Variants in LANCL1 observed in about 807,000 individuals in gnomAD.
LANCL1 encodes glutathione S-transferase LANCL1.
Under a neutral mutation model 50.6 loss-of-function variants are expected in LANCL1, and 50 were observed. The ratio of observed to expected loss-of-function variants is 0.99; its 90% CI spans 0.79 to 1.25. The LOEUF (loss-of-function observed/expected upper bound fraction) is 1.25. Ranked by LOEUF, LANCL1 falls within the 50% of genes most tolerant of loss-of-function variation. The probability of loss-of-function intolerance (pLI) is 0.00; values close to 1 mark genes in which losing one functional copy is unlikely to be tolerated. For missense variants in LANCL1, 532 were observed against 480.7 expected (o/e 1.11, Z -1.00); for synonymous variants, 188 against 178.6 (o/e 1.05, Z -0.42).
chr2:210,438,388 G>A (rs776964031), intron 6 of LANCL1, among the ~76,000 whole-genome samples: 1 of 151,988 alleles, frequency 6.6e-6, no homozygotes, highest in Non-Finnish European at 1.5e-5. Context: ...GCCCACCTTG[G>A]CCTCCCAAAG....
chr2:210,447,633 A>G (rs1344336642), intron 4 of LANCL1, among the ~76,000 whole-genome samples: 1 of 152,210 alleles, frequency 6.6e-6, no homozygotes, highest in Non-Finnish European at 1.5e-5. Flanking sequence ...AGACACACAT[A>G]GGCTCAAAAT....
Position 210,434,436 on chromosome 2 carries a change from TG to T in LANCL1, c.*50del, listed in dbSNP as rs1692848428. 7.0e-7 allele frequency: 1 copy of T among 1,422,052 alleles called. No individual in the cohort carries two copies. The highest frequency in any genetic ancestry group is 1.4e-5 in the African/African-American group (1 of 70,586). 88.1% of individuals were successfully genotyped at this position (1,422,052 alleles called of 1,614,324 possible). On this transcript the variant is annotated 3_prime_UTR_variant, in exon 10 of 10. Transcript: ENST00000450366. ...GCAACGGAAGCACTTAGCTTGGGTTTGAATATACAGAAAGGGTCATGCAGTG... is the reference window on the plus strand; with the variant it reads ...GCAACGGAAGCACTTAGCTTGGGTTTAATATACAGAAAGGGTCATGCAGTG...
At chr2:210,461,745 T>C (rs1238091590) in intron 3 of LANCL1, among the ~76,000 whole-genome samples, 2 of 105,468 alleles carry the variant, frequency 1.9e-5, no homozygotes, top group African/African-American at 3.3e-5. Flanking sequence ...GAGTCCTGTA[T>C]GTATTTTTTT....
At chr2:210,461,319 G>A (rs567909691) in intron 3 of LANCL1, among the ~76,000 whole-genome samples, 1 of 152,120 alleles carries the variant, frequency 6.6e-6, no homozygotes, top group East Asian at 1.9e-4. Context: ...GGTGGGATAG[G>A]TGCATCTAAT....
In LANCL1 at chr2:210,433,961, C is replaced by T. The variant is rs952231754; in HGVS notation, c.*526G>A. The T allele has an allele frequency of 6.6e-5, 10 of 152,106 alleles. No homozygotes were observed. Among genetic ancestry groups the T allele is most frequent in the Admixed American group, 1.3e-4 (2 of 15,264 alleles). The allele number at this position is 152,106 out of a possible 1,614,324, so 9.4% of individuals were successfully genotyped here. On this transcript the variant is annotated 3_prime_UTR_variant, in exon 10 of 10. Coordinates refer to ENST00000450366, the MANE Select transcript of LANCL1 (RefSeq NM_006055.3). ...TAGGTACCAAGTCCAGATTGTAACT[C>T]TTGGAATTTTTCTCCTGGAAGCATT... is the stretch of plus-strand genomic sequence containing the variant.
intron 6 of LANCL1, among the ~76,000 whole-genome samples, chr2:210,439,069 G>T (rs912599696): frequency 3.3e-5 from 5 of 152,164 alleles, no homozygotes; most frequent in African/African-American, 1.2e-4. Flanking sequence ...TTCATACAAA[G>T]AATAGCATTT....
At chr2:210,455,054 GAATT>G in intron 4 of LANCL1, 49 bp downstream of exon 4, 1 of 1,446,004 alleles carries the variant, frequency 6.9e-7, no homozygotes, top group South Asian at 1.2e-5. Flanking sequence ...AACACATGCA[GAATT>G]AATGCATAAT....
intron 3 of LANCL1, among the ~76,000 whole-genome samples, chr2:210,465,994 A>G (rs925487311): frequency 2.0e-5 from 3 of 152,212 alleles, no homozygotes; most frequent in Non-Finnish European, 4.4e-5. Context: ...CCTTATTTAT[A>G]AAGCTGCCAA....
chr2:210,433,496 G>A lies in LANCL1; in HGVS notation c.*991C>T, dbSNP rs1007917356. 1 of 152,110 alleles carries A rather than the reference G, an allele frequency of 6.6e-6. No individual in the cohort carries two copies. The highest frequency in any genetic ancestry group is 2.4e-5 in the African/African-American group (1 of 41,418). 9.4% of individuals were successfully genotyped at this position (152,110 alleles called of 1,614,324 possible). On this transcript the variant is annotated 3_prime_UTR_variant, in exon 10 of 10. Transcript: ENST00000450366. ...AGAATACTGTACAATTTAGTGAAAAGACCAAAGTTCAGATAAATTGATAGG... is the reference window on the plus strand; with the variant it reads ...AGAATACTGTACAATTTAGTGAAAAAACCAAAGTTCAGATAAATTGATAGG...
Position 210,435,415 on chromosome 2 carries a change from T to G in LANCL1, c.1095A>C (p.Thr365=). Residue 365 remains threonine (T), a synonymous_variant, in exon 9 of 10, where the codon ACA becomes ACC. Transcript: ENST00000450366. ...CLEYGEHGCR[T]PDTPFSLFEG... is the part of the protein sequence containing the mutation. ...CAAAGAGAGAGAAAGGGGTGTCTGG[T>G]GTTCTGCATCCATGTTCTCCATACT... is the stretch of plus-strand genomic sequence containing the variant. 2 of 1,613,496 alleles carry G rather than the reference T, an allele frequency of 1.2e-6. No individual in the cohort carries two copies. Among genetic ancestry groups the G allele is most frequent in the Non-Finnish European group, 1.7e-6 (2 of 1,179,526 alleles).
rs141261612 is a variant in LANCL1 at position 210,465,069 on chromosome 2, C to T, written c.199+6890G>A. ...AAAATGTAAAGATGAAAAATAACTTCGTAAATTAACTCCAGTGCATACTGT... is the reference window on the plus strand; with the variant it reads ...AAAATGTAAAGATGAAAAATAACTTTGTAAATTAACTCCAGTGCATACTGT... On this transcript the variant is annotated intron_variant, in intron 3 of 9. Coordinates refer to ENST00000450366, the MANE Select transcript of LANCL1 (RefSeq NM_006055.3). Among the ~76,000 whole-genome samples the T allele has an allele frequency of 7.1e-3, 1,080 of 152,186 alleles. 7 individuals are homozygous for T. Among genetic ancestry groups the T allele is most frequent in the Non-Finnish European group, 0.01 (688 of 68,024 alleles).
chr2:210,458,101 C>T (rs1011395427), intron 3 of LANCL1, among the ~76,000 whole-genome samples: 6 of 152,262 alleles, frequency 3.9e-5, no homozygotes, highest in African/African-American at 1.2e-4. Context: ...GAGCAGTCAT[C>T]GTCTAAGGAC....
chr2:210,435,545 C>G, intron 8 of LANCL1, 86 bp from the exon 9 acceptor site: 1 of 1,006,918 alleles, frequency 9.9e-7, no homozygotes, highest in Non-Finnish European at 1.6e-6. Flanking sequence ...ACAAATTACT[C>G]TGAAAAATCA....
Position 210,432,229 on chromosome 2 carries a change from C to T in LANCL1, c.*2258G>A, listed in dbSNP as rs148516018. ...AAAATCCCATCAAAACTTTTTTGCT[C>T]TTAAGCATAAATACAACAAATAGCA... On this transcript the variant is annotated 3_prime_UTR_variant, in exon 10 of 10. Transcript: ENST00000450366. 5.7e-4 allele frequency: 86 copies of T among 152,172 alleles called. No individual in the cohort carries two copies. Among genetic ancestry groups the T allele is most frequent in the African/African-American group, 2.0e-3 (83 of 41,556 alleles). 9.4% of individuals were successfully genotyped at this position (152,172 alleles called of 1,614,324 possible).
intron 2 of LANCL1, among the ~76,000 whole-genome samples, chr2:210,474,343 A>G (rs977200096): frequency 6.6e-6 from 1 of 152,200 alleles, no homozygotes; most frequent in African/African-American, 2.4e-5. Context: ...GACCTGTCCA[A>G]AAACTACGTT....
intron 5 of LANCL1, 148 bp downstream of exon 5, chr2:210,441,160 G>A: frequency 1.3e-6 from 1 of 759,102 alleles, no homozygotes; most frequent in East Asian, 2.5e-5. Context: ...AAAGCTATTG[G>A]TTCTTGGACT....
intron 7 of LANCL1, among the ~76,000 whole-genome samples, chr2:210,437,469 A>G (rs1017125487): frequency 2.0e-5 from 3 of 152,184 alleles, no homozygotes; most frequent in Non-Finnish European, 4.4e-5. Flanking sequence ...ATCATAAACA[A>G]TATCTCATTG....
Position 210,432,979 on chromosome 2 carries a change from T to G in LANCL1, c.*1508A>C, listed in dbSNP as rs565025003. 7.2e-5 allele frequency: 11 copies of G among 152,714 alleles called. No homozygotes were observed. The highest frequency in any genetic ancestry group is 2.6e-4 in the African/African-American group (11 of 41,562). The allele number at this position is 152,714 out of a possible 1,614,324, so 9.5% of individuals were successfully genotyped here. A position where few individuals can be genotyped will look rare whatever the true frequency, so the allele number is the denominator to read the frequency against. On this transcript the variant is annotated 3_prime_UTR_variant, in exon 10 of 10. Coordinates refer to ENST00000450366, the MANE Select transcript of LANCL1 (RefSeq NM_006055.3). Reference sequence around the variant, plus strand: ...TTTCCAATAATATTAGCTCTTTTGGTGCTAAACAGGAGATAATAGGAGACT... The same window carrying G: ...TTTCCAATAATATTAGCTCTTTTGGGGCTAAACAGGAGATAATAGGAGACT...
chr2:210,437,580 G>A, intron 7 of LANCL1, 110 bp downstream of exon 7: 1 of 576,530 alleles, frequency 1.7e-6, no homozygotes, highest in Non-Finnish European at 2.8e-6. Flanking sequence ...GTGATCTTAG[G>A]TCCCACAAGA....
Sources: allele counts gnomAD v4.1 joint callset (sites outside exome capture counted in the v4.1 genomes callset), GRCh38; gene constraint gnomAD v4.1.1; transcripts MANE v1.5; gene names NCBI Gene and HGNC (gene_info 2026-07-23, HGNC 2026-07-21).